Variants in ITSN1 observed in about 807,000 individuals in gnomAD.
ITSN1 encodes the protein intersectin 1, also known as intersectin-1.
ITSN1 carries 58 observed loss-of-function variants against 239.8 expected under a neutral mutation model. That is an observed-to-expected ratio of 0.24 (90% CI 0.20 to 0.30). The LOEUF (loss-of-function observed/expected upper bound fraction) is 0.30, where lower values mean the gene tolerates loss of function less well. ITSN1 is among the 10% of genes least tolerant of loss of function. The probability of loss-of-function intolerance (pLI) is 1.00; values close to 1 mark genes in which losing one functional copy is unlikely to be tolerated. For missense variants in ITSN1, 1,558 were observed against 2,103.3 expected, an observed-to-expected ratio of 0.74 and a Z score of 5.07; for synonymous variants, 780 against 770.8, an observed-to-expected ratio of 1.01 and a Z score of -0.20.
rs550089588 is a variant in ITSN1 at position 33,875,530 on chromosome 21, C to G, written c.4341+9C>G. 1.2e-6 allele frequency: 2 copies of G among 1,611,604 alleles called. No individual in the cohort carries two copies. The highest frequency in any genetic ancestry group is 2.7e-5 in the African/African-American group (2 of 74,970). ...GTGAAGGCCTGTCTGAGGTAGCCAA[C>G]CTTGGGGCTGGGCCCTGGTCTCCCC... On this transcript the variant is annotated intron_variant, in intron 34 of 39. Coordinates refer to ENST00000381318, the MANE Select transcript of ITSN1 (RefSeq NM_003024.3).
At chr21:33,792,232 T>A (rs1248022084) in intron 16 of ITSN1, among the ~76,000 whole-genome samples, 3 of 152,136 alleles carry the variant, frequency 2.0e-5, no homozygotes, top group Non-Finnish European at 4.4e-5. Context: ...TGAGACCGAT[T>A]CTTGCCTTGT....
chr21:33,831,012 C>T (rs2074263439), intron 27 of ITSN1, among the ~76,000 whole-genome samples: 1 of 152,122 alleles, frequency 6.6e-6, no homozygotes, highest in Non-Finnish European at 1.5e-5. Context: ...TTTTCTTATT[C>T]TTGCCAATTT....
intron 7 of ITSN1, chr21:33,754,184 AG>A (rs2067760780): frequency 6.6e-6 from 1 of 152,056 alleles, no homozygotes; most frequent in South Asian, 2.1e-4. Context: ...TTAACATGAG[AG>A]GGTTGGTGCA....
rs754087404 is a variant in ITSN1 at position 33,817,279 on chromosome 21, C to T, written c.2728-988C>T. The stretch of plus-strand genomic sequence containing the variant: ...CATGAGACTAGGCCACATGCAGCCC[C>T]GGATTGTGCTTCTCTTCCCGGACCC... On this transcript the variant is annotated intron_variant, in intron 22 of 39. Coordinates refer to ENST00000381318, the MANE Select transcript of ITSN1 (RefSeq NM_003024.3). The T allele has an allele frequency of 3.1e-5, 41 of 1,304,276 alleles. No homozygotes were observed. The Admixed American group carries it at 3.7e-4, about 12-fold the overall frequency. 80.8% of individuals were successfully genotyped at this position (1,304,276 alleles called of 1,614,324 possible). A position where few individuals can be genotyped will look rare whatever the true frequency, so the allele number is the denominator to read the frequency against.
At chr21:33,859,615 C>G (rs1189597411) in intron 31 of ITSN1, among the ~76,000 whole-genome samples, 1 of 152,124 alleles carries the variant, frequency 6.6e-6, no homozygotes, top group Non-Finnish European at 1.5e-5. Context: ...CAGAGCCTTG[C>G]GTCCATTCCT....
chr21:33,838,483 C>T (rs1350530400), intron 29 of ITSN1: 1 of 979,858 alleles, frequency 1.0e-6, no homozygotes, highest in Non-Finnish European at 1.2e-6. Flanking sequence ...TAATTAAATT[C>T]TTCATACAAA....
chr21:33,749,208 T>A (rs1486664296), intron 5 of ITSN1, among the ~76,000 whole-genome samples: 1 of 152,140 alleles, frequency 6.6e-6, no homozygotes, highest in Non-Finnish European at 1.5e-5. Context: ...CTGTCTGGTT[T>A]TGGACTCCTG....
intron 5 of ITSN1, chr21:33,735,482 T>C (rs1210010459): frequency 6.0e-6 from 1 of 165,504 alleles, no homozygotes; most frequent in Non-Finnish European, 1.3e-5. Flanking sequence ...AGCTTCTGGG[T>C]TTTTTTTTTT....
chr21:33,852,513 G>T (rs558308479), intron 29 of ITSN1, among the ~76,000 whole-genome samples: 1 of 152,314 alleles, frequency 6.6e-6, no homozygotes, highest in East Asian at 1.9e-4. Context: ...AGGGAAGCAA[G>T]ATGACCTTTT....
chr21:33,856,891 G>C (rs1199135864), intron 30 of ITSN1, 34 bp downstream of exon 30: 12 of 1,608,110 alleles, frequency 7.5e-6, no homozygotes, highest in Non-Finnish European at 1.0e-5. Context: ...GGCACGGCAG[G>C]GGGCGATGAC....
intron 5 of ITSN1, among the ~76,000 whole-genome samples, chr21:33,745,828 G>A (rs773005454): frequency 3.3e-5 from 5 of 152,266 alleles, no homozygotes; most frequent in Non-Finnish European, 5.9e-5. Context: ...CACATGTGTC[G>A]CGGAGACCAG....
intron 29 of ITSN1, among the ~76,000 whole-genome samples, chr21:33,851,510 T>C (rs1008468775): frequency 1.3e-5 from 2 of 151,720 alleles, no homozygotes; most frequent in African/African-American, 4.8e-5. Flanking sequence ...GCGATTCTCC[T>C]GCCTCAGCCT....
chr21:33,883,778 A>G (rs1158306833), intron 36 of ITSN1, 107 bp downstream of exon 36: 4 of 1,365,058 alleles, frequency 2.9e-6, no homozygotes, highest in East Asian at 2.4e-5. Flanking sequence ...TGGCAATGCC[A>G]TCACCCCTAG....
chr21:33,698,142 T>C (rs1390708684), intron 1 of ITSN1, among the ~76,000 whole-genome samples: 7 of 152,208 alleles, frequency 4.6e-5, no homozygotes, highest in African/African-American at 1.7e-4. Context: ...TTAGAAGAAC[T>C]GAGGTTAAAA....
intron 5 of ITSN1, among the ~76,000 whole-genome samples, chr21:33,746,708 G>T (rs1362275770): frequency 6.6e-6 from 1 of 152,028 alleles, no homozygotes; most frequent in Non-Finnish European, 1.5e-5. Flanking sequence ...TGGACATGAT[G>T]GCAGGCGCCT....
At chr21:33,867,133 T>G in intron 32 of ITSN1, 100 bp from the exon 33 acceptor site, 27 of 718,090 alleles carry the variant, frequency 3.8e-5, no homozygotes, top group Non-Finnish European at 5.5e-5. Flanking sequence ...TCCAGATAAA[T>G]GAGATAATGG....
intron 14 of ITSN1, among the ~76,000 whole-genome samples, chr21:33,776,544 C>CAAA (rs34789155): frequency 1.1e-5 from 1 of 88,800 alleles, no homozygotes; most frequent in Non-Finnish European, 2.6e-5. Flanking sequence ...AGACCCTGTT[C>CAAA]AAAAAAAAAA....
intron 1 of ITSN1, among the ~76,000 whole-genome samples, chr21:33,710,438 T>C (rs1011430694): frequency 1.3e-5 from 2 of 152,164 alleles, no homozygotes; most frequent in Admixed American, 6.5e-5. Context: ...TCTGTTCACA[T>C]GATCATATGG....
rs376876540 is a variant in ITSN1 at position 33,671,791 on chromosome 21, CAAAT to C, written c.-33+29101_-33+29104del. 6.1e-4 allele frequency among the ~76,000 whole-genome samples: 92 copies of C among 151,680 alleles called. 2 individuals carry two copies. The highest frequency in any genetic ancestry group is 4.9e-3 in the East Asian group (25 of 5,078). On this transcript the variant is annotated intron_variant, in intron 1 of 39. Transcript: ENST00000381318. The stretch of plus-strand genomic sequence containing the variant: ...TGGGCGACAAAGCGAGACTCCGTCT[CAAAT>C]AAATAAATAAATAAATAAATAACTT...
Sources: allele counts gnomAD v4.1 joint callset (sites outside exome capture counted in the v4.1 genomes callset), GRCh38; gene constraint gnomAD v4.1.1; transcripts MANE v1.5; gene names NCBI Gene and HGNC (gene_info 2026-07-23, HGNC 2026-07-21).